The following PACSIN2 variants were observed in gnomAD, a reference collection of about 807,000 sequenced individuals.
PACSIN2 encodes the protein protein kinase C and casein kinase substrate in neurons 2, also known as protein kinase C and casein kinase substrate in neurons protein 2.
A neutral mutation model predicts 63.8 loss-of-function variants in PACSIN2; 25 were observed. That is an observed-to-expected ratio of 0.39 (90% CI 0.29 to 0.55). PACSIN2 has a LOEUF of 0.55. Among genes scored for constraint, PACSIN2 ranks in the 20% least tolerant of loss-of-function variants. The probability of loss-of-function intolerance (pLI) is 0.62; values close to 1 mark genes in which losing one functional copy is unlikely to be tolerated. For missense variants in PACSIN2, 518 were observed against 646.9 expected, an observed-to-expected ratio of 0.80 and a Z score of 2.16; for synonymous variants, 255 against 256.2, an observed-to-expected ratio of 1.00 and a Z score of 0.05.
intron 1 of PACSIN2, among the ~76,000 whole-genome samples, chr22:42,980,531 T>A (rs1015322072): frequency 9.9e-5 from 12 of 121,480 alleles, no homozygotes; most frequent in Admixed American, 8.9e-5. Flanking sequence ...CTCCCTCTGA[T>A]GCCGAGCCAA....
chr22:42,930,413 C>T (rs1403636202), intron 1 of PACSIN2, among the ~76,000 whole-genome samples: 1 of 152,198 alleles, frequency 6.6e-6, no homozygotes, highest in Non-Finnish European at 1.5e-5. Context: ...CTTCTCTGGA[C>T]CCTCCTGTCC....
intron 1 of PACSIN2, among the ~76,000 whole-genome samples, chr22:42,950,046 A>C (rs950151943): frequency 1.3e-5 from 2 of 152,162 alleles, no homozygotes; most frequent in Admixed American, 1.3e-4. Flanking sequence ...AGGGTTCCAC[A>C]TCTGTGGATT....
chr22:42,922,074 G>A (rs968516063), intron 1 of PACSIN2, among the ~76,000 whole-genome samples: 9 of 152,148 alleles, frequency 5.9e-5, no homozygotes, highest in Admixed American at 3.9e-4. Flanking sequence ...CTGGGAATCC[G>A]GGAATGACTG....
intron 1 of PACSIN2, among the ~76,000 whole-genome samples, chr22:42,949,704 A>T (rs1162466401): frequency 1.3e-5 from 2 of 148,432 alleles, no homozygotes; most frequent in Non-Finnish European, 3.0e-5. Flanking sequence ...ACTCACACAC[A>T]CTCTCTCACA....
At chr22:43,007,238 A>G (rs1252192143) in intron 1 of PACSIN2, among the ~76,000 whole-genome samples, 20 of 130,780 alleles carry the variant, frequency 1.5e-4, no homozygotes, top group African/African-American at 6.2e-4. Flanking sequence ...TTTTTTTTTG[A>G]GACAGTCTCG....
chr22:42,884,005 CA>C (rs113630394), intron 6 of PACSIN2, among the ~76,000 whole-genome samples: 204 of 133,862 alleles, frequency 1.5e-3, no homozygotes, highest in South Asian at 1.9e-3. Context: ...GACTCCGTCT[CA>C]AAAAAAAAAA....
chr22:42,925,639 T>C (rs921209020), intron 1 of PACSIN2, among the ~76,000 whole-genome samples: 3 of 152,208 alleles, frequency 2.0e-5, no homozygotes, highest in South Asian at 2.1e-4. Flanking sequence ...CTGGGTAATT[T>C]TGATTTATGG....
At chr22:42,876,356 G>A (rs746021963) in intron 9 of PACSIN2, 23 bp from the exon 10 acceptor site, 4 of 1,608,552 alleles carry the variant, frequency 2.5e-6, no homozygotes, top group Non-Finnish European at 3.4e-6. Flanking sequence ...GGAGGCCACA[G>A]GGCCCTCAGC....
In PACSIN2 at chr22:42,911,956, C is replaced by T. The variant is rs547951348; in HGVS notation, c.60+65G>A. On this transcript the variant is annotated intron_variant, in intron 2 of 10. Transcript: ENST00000263246. ...AGTTCCCAACCTCCACCAAAAAAAC[C>T]AAAGGGCCTGCCAGACACTATTGGC... 15 of 1,274,220 alleles carry T rather than the reference C, an allele frequency of 1.2e-5. No homozygotes were observed. In the South Asian group the frequency reaches 2.0e-4, roughly 17 times the overall value. The allele number at this position is 1,274,220 out of a possible 1,614,324, so 78.9% of individuals were successfully genotyped here. A position where few individuals can be genotyped will look rare whatever the true frequency, so the allele number is the denominator to read the frequency against.
rs867071240 is a variant in PACSIN2, at chr22:42,890,942, T to C, written c.453+5A>G. 20 of 1,612,390 alleles carry C rather than the reference T, an allele frequency of 1.2e-5. No individual in the cohort carries two copies. Among genetic ancestry groups the C allele is most frequent in the Non-Finnish European group, 1.6e-5 (19 of 1,178,516 alleles). On this transcript the variant is annotated splice_donor_5th_base_variant and intron_variant, in intron 4 of 10. Coordinates refer to ENST00000263246, the MANE Select transcript of PACSIN2 (RefSeq NM_001184970.3). Reference sequence around the variant, plus strand: ...CGGGCAGGGAAGCCTGCAGGACAGATGTACCTCTTTCAGCTTCTTGGCCCA... The same window carrying C: ...CGGGCAGGGAAGCCTGCAGGACAGACGTACCTCTTTCAGCTTCTTGGCCCA...
At chr22:42,894,505 T>G (rs1402663699) in intron 2 of PACSIN2, among the ~76,000 whole-genome samples, 1 of 152,220 alleles carries the variant, frequency 6.6e-6, no homozygotes, top group Non-Finnish European at 1.5e-5. Flanking sequence ...CCTCCCAAAG[T>G]GCTGGGATTA....
chr22:42,903,224 CAG>C (rs1033847860), intron 2 of PACSIN2, among the ~76,000 whole-genome samples: 1 of 152,206 alleles, frequency 6.6e-6, no homozygotes, highest in African/African-American at 2.4e-5. Context: ...CTGTGCCCTG[CAG>C]AGTCACTACC....
In PACSIN2 at chr22:42,891,121, C is replaced by T. The variant is rs749370156; in HGVS notation, c.279G>A (p.Val93=). Residue 93 remains valine, a synonymous_variant, in exon 4 of 11, where the codon GTG becomes GTA. Coordinates refer to ENST00000263246, the MANE Select transcript of PACSIN2 (RefSeq NM_001184970.3). ...WMAFMSEAER[V]SELHLEVKAS... ...CCTTCACCTCGAGGTGCAGCTCGCT[C>T]ACCCTCTCTGCCTCGGACATGAAGG... is the stretch of plus-strand genomic sequence containing the variant. The T allele has an allele frequency of 6.2e-6, 10 of 1,614,042 alleles. No individual in the cohort carries two copies. Among genetic ancestry groups the T allele is most frequent in the Admixed American group, 5.0e-5 (3 of 60,006 alleles).
intron 1 of PACSIN2, among the ~76,000 whole-genome samples, chr22:43,009,694 A>G (rs540470389): frequency 9.7e-4 from 147 of 152,260 alleles, no homozygotes; most frequent in Non-Finnish European, 7.2e-4. Context: ...CTGTCATCTC[A>G]TATTCTTGGG....
Position 43,010,398 on chromosome 22 carries a change from A to ATATATATATATATATATATATTTTT in PACSIN2, c.-78+4622_-78+4623insAAAAATATATATATATATATATATA. Reference sequence around the variant, plus strand: ...TGTTTAAAAATACATATATATATATATTTTTTTTTAATTGAAAATAAAAAA... The same window carrying ATATATATATATATATATATATTTTT: ...TGTTTAAAAATACATATATATATATATATATATATATATATATATATTTTTTTTTTTTTTAATTGAAAATAAAAAA... On this transcript the variant is annotated intron_variant, in intron 1 of 10. Transcript: ENST00000263246. Among the ~76,000 whole-genome samples, 168 of 126,368 alleles carry ATATATATATATATATATATATTTTT rather than the reference A, an allele frequency of 1.3e-3. 1 individual carries two copies. Among genetic ancestry groups the ATATATATATATATATATATATTTTT allele is most frequent in the South Asian group, 2.4e-3 (9 of 3,688 alleles). 82.9% of individuals were successfully genotyped at this position (126,368 alleles called of 152,430 possible).
intron 1 of PACSIN2, among the ~76,000 whole-genome samples, chr22:43,014,322 A>T (rs76947229): frequency 1.1e-3 from 5 of 4,460 alleles, no homozygotes; most frequent in South Asian, 5.7e-3. Context: ...CCCCCGCCCT[A>T]CACACACACA....
chr22:42,959,282 G>A (rs1343503821), intron 1 of PACSIN2, among the ~76,000 whole-genome samples: 1 of 152,172 alleles, frequency 6.6e-6, no homozygotes, highest in East Asian at 1.9e-4. Flanking sequence ...AGATTTGGCT[G>A]TAAAGAAAGA....
At chr22:42,925,242 G>A (rs1437923828) in intron 1 of PACSIN2, among the ~76,000 whole-genome samples, 4 of 151,996 alleles carry the variant, frequency 2.6e-5, no homozygotes, top group Non-Finnish European at 2.9e-5. Context: ...CACTTTGGGC[G>A]GCCGAGGCTG....
intron 5 of PACSIN2, among the ~76,000 whole-genome samples, chr22:42,887,347 T>C (rs2146660202): frequency 6.6e-6 from 1 of 152,322 alleles, no homozygotes; most frequent in Admixed American, 6.5e-5. Flanking sequence ...GGTCAGAAGT[T>C]CCTGCTCTCA....
Sources: allele counts gnomAD v4.1 joint callset (sites outside exome capture counted in the v4.1 genomes callset), GRCh38; gene constraint gnomAD v4.1.1; transcripts MANE v1.5; gene names NCBI Gene and HGNC (gene_info 2026-07-23, HGNC 2026-07-21).